CHD6: variants seen among roughly 807,000 people sequenced by gnomAD.
CHD6 encodes chromodomain helicase DNA binding protein 6, also known as ATP-dependent chromatin remodeler CHD6.
Under a neutral mutation model 276.9 loss-of-function variants are expected in CHD6, and 50 were observed. The ratio of observed to expected loss-of-function variants is 0.18; its 90% CI spans 0.14 to 0.23. The LOEUF is 0.23. CHD6 is among the 10% of genes least tolerant of loss of function. CHD6 has a pLI of 1.00. For missense variants in CHD6, 2,564 were observed against 3,365.8 expected (o/e 0.76, Z 5.89); for synonymous variants, 1,173 against 1,229.3 (o/e 0.95, Z 0.96).
At chr20:41,472,730 T>C (rs1486511600) in intron 17 of CHD6, among the ~76,000 whole-genome samples, 1 of 152,238 alleles carries the variant, frequency 6.6e-6, no homozygotes, top group Non-Finnish European at 1.5e-5. Context: ...TCAAAAAATA[T>C]ATCAACTCCA....
In CHD6 at chr20:41,421,592, G is replaced by T; in HGVS notation, c.5043C>A (p.Asn1681Lys). The T allele has an allele frequency of 6.2e-7, 1 of 1,613,878 alleles. No individual in the cohort carries two copies. Among genetic ancestry groups the T allele is most frequent in the Non-Finnish European group, 8.5e-7 (1 of 1,179,950 alleles). ...TGACATCCTGAACTTTAGAAATAAA[G>T]TTTTCACATGTCACATCAGGCAGGC... ...HLSLPDVTCE[N>K]FISKVQDVIS... Residue 1681 changes from asparagine (N) to lysine (K), a missense_variant, in exon 31 of 37, where the codon AAC becomes AAA. Coordinates refer to ENST00000373233, the MANE Select transcript of CHD6 (RefSeq NM_032221.5).
chr20:41,526,275 TCTA>T (rs1352807697), intron 3 of CHD6, among the ~76,000 whole-genome samples: 2 of 152,200 alleles, frequency 1.3e-5, no homozygotes, highest in Admixed American at 6.5e-5. Flanking sequence ...GCTCAGGGTC[TCTA>T]CTGAGGACTC....
chr20:41,472,897 C>G (rs1330434395), intron 17 of CHD6: 2 of 159,900 alleles, frequency 1.3e-5, no homozygotes, highest in African/African-American at 4.8e-5. Context: ...GTTGCCCCTG[C>G]CACACCATGG....
intron 1 of CHD6, among the ~76,000 whole-genome samples, chr20:41,599,780 A>G (rs548280302): frequency 4.6e-5 from 7 of 152,306 alleles, no homozygotes; most frequent in South Asian, 4.2e-4. Flanking sequence ...TGCTTAATCT[A>G]TAACTAGCAA....
At chr20:41,492,201 T>C (rs530683295) in intron 10 of CHD6, among the ~76,000 whole-genome samples, 7 of 152,296 alleles carry the variant, frequency 4.6e-5, no homozygotes, top group African/African-American at 1.7e-4. Context: ...TTTCTTACCA[T>C]ATCTCACACA....
At position 41,404,933 on chromosome 20, in the gene CHD6, G is replaced by C. The variant is rs1837694946; in HGVS notation, c.7808C>G (p.Thr2603Ser). The C allele has an allele frequency of 9.9e-6, 16 of 1,614,054 alleles. No individual in the cohort carries two copies. Among genetic ancestry groups the C allele is most frequent in the Non-Finnish European group, 1.1e-5 (13 of 1,179,996 alleles). ...FSDQSEPAIT[T>S]SSPVAFNPFL... ...TGGGTTAAAAGCCACAGGACTACTA[G>C]TAGTTATTGCAGGTTCAGACTGATC... Residue 2603 changes from threonine (T) to serine (S), a missense_variant, in exon 37 of 37, where the codon ACT becomes AGT. Thr to Ser is a moderately conservative substitution (Grantham distance 58). Coordinates refer to ENST00000373233, the MANE Select transcript of CHD6 (RefSeq NM_032221.5).
intron 1 of CHD6, among the ~76,000 whole-genome samples, chr20:41,555,179 C>T (rs1245493116): frequency 2.3e-5 from 3 of 133,260 alleles, no homozygotes; most frequent in Admixed American, 1.5e-4. Context: ...CCAGTAGGGG[C>T]GGCCGGGCAG....
At chr20:41,450,865 G>T in intron 23 of CHD6, 81 bp downstream of exon 23, 2 of 1,267,348 alleles carry the variant, frequency 1.6e-6, no homozygotes, top group Non-Finnish European at 2.2e-6. Context: ...AGAGCATGAA[G>T]TGCTCTCCCT....
At chr20:41,485,363 C>T (rs1019999068) in intron 14 of CHD6, among the ~76,000 whole-genome samples, 2 of 152,026 alleles carry the variant, frequency 1.3e-5, no homozygotes, top group African/African-American at 4.8e-5. Context: ...AACATGATAC[C>T]GGTAAGATTA....
chr20:41,554,994 C>A (rs2045201983), intron 1 of CHD6, among the ~76,000 whole-genome samples: 1 of 150,918 alleles, frequency 6.6e-6, no homozygotes, highest in Admixed American at 6.6e-5. Context: ...GACGGGGCGG[C>A]TGGCCGGGCG....
chr20:41,489,714 A>G (rs746305924), intron 12 of CHD6, 64 bp downstream of exon 12: 94 of 1,600,704 alleles, frequency 5.9e-5, no homozygotes, highest in Non-Finnish European at 7.8e-5. Context: ...TCTGAAGATA[A>G]GTGACAGAAA....
At chr20:41,614,049 A>G (rs570974323) in intron 1 of CHD6, among the ~76,000 whole-genome samples, 1 of 152,254 alleles carries the variant, frequency 6.6e-6, no homozygotes, top group African/African-American at 2.4e-5. Flanking sequence ...CCTTGGTCAC[A>G]TAGTATATAA....
chr20:41,469,370 GAAT>G (rs1386828101), intron 17 of CHD6, among the ~76,000 whole-genome samples: 1 of 152,128 alleles, frequency 6.6e-6, no homozygotes, highest in Non-Finnish European at 1.5e-5. Context: ...GTCCCCCAGA[GAAT>G]AAGAAGCAGA....
chr20:41,550,239 TAC>T (rs1452835641), intron 2 of CHD6, among the ~76,000 whole-genome samples: 1 of 152,358 alleles, frequency 6.6e-6, no homozygotes, highest in East Asian at 1.9e-4. Flanking sequence ...TAAGCCTTTA[TAC>T]ACACAGTTTT....
intron 10 of CHD6, among the ~76,000 whole-genome samples, 159 bp from the exon 11 acceptor site, chr20:41,491,978 G>C (rs555385459): frequency 6.6e-6 from 1 of 152,282 alleles, no homozygotes; most frequent in South Asian, 2.1e-4. Context: ...GAACTAAGTA[G>C]GAGTCAGGCT....
Position 41,533,408 on chromosome 20 carries a change from C to T in CHD6, c.196G>A (p.Glu66Lys). 6.2e-7 allele frequency: 1 copy of T among 1,614,174 alleles called. No homozygotes were observed. The highest frequency in any genetic ancestry group is 1.1e-5 in the South Asian group (1 of 91,072). The change falls in exon 3 of 37, where the codon GAG becomes AAG. Residue 66 changes from glutamate to lysine, a missense_variant. Coordinates refer to ENST00000373233, the MANE Select transcript of CHD6 (RefSeq NM_032221.5). ...CTAGGAAAAAGGGTAGCAGCTTCCTCTTCAGCAGTATACAGGTCCTTCTGA... is the reference window on the plus strand; with the variant it reads ...CTAGGAAAAAGGGTAGCAGCTTCCTTTTCAGCAGTATACAGGTCCTTCTGA... The part of the protein sequence containing the change: ...LPQKDLYTAE[E>K]EAATLFPRKM...
chr20:41,533,598 T>C (rs765733460), intron 2 of CHD6, 28 bp from the exon 3 acceptor site: 1 of 1,551,778 alleles, frequency 6.4e-7, no homozygotes, highest in Non-Finnish European at 8.7e-7. Context: ...ACAAGCATAT[T>C]ACCCTTCCAA....
intron 1 of CHD6, among the ~76,000 whole-genome samples, chr20:41,568,509 T>G (rs1279680152): frequency 6.6e-6 from 1 of 152,256 alleles, no homozygotes; most frequent in East Asian, 1.9e-4. Context: ...CTCAGCACTC[T>G]TCAATCTACA....
intron 2 of CHD6, among the ~76,000 whole-genome samples, chr20:41,545,113 ATCC>A (rs1166972875): frequency 6.6e-6 from 1 of 152,116 alleles, no homozygotes; most frequent in African/African-American, 2.4e-5. Context: ...TATGAAGCCT[ATCC>A]TCCTCTAACT....
Sources: allele counts gnomAD v4.1 joint callset (sites outside exome capture counted in the v4.1 genomes callset), GRCh38; gene constraint gnomAD v4.1.1; transcripts MANE v1.5; gene names NCBI Gene and HGNC (gene_info 2026-07-23, HGNC 2026-07-21).